The following CDH18 variants were observed in gnomAD, a reference collection of about 807,000 sequenced individuals.
The protein encoded by CDH18 is cadherin-18.
CDH18 carries 31 observed loss-of-function variants against 67.9 expected under a neutral mutation model. The observed-to-expected ratio is 0.46, with a 90% confidence interval of 0.34 to 0.62. CDH18 has a LOEUF of 0.62. CDH18 is among the 20% of genes least tolerant of loss of function. The probability of loss-of-function intolerance (pLI) is 0.01; values close to 1 mark genes in which losing one functional copy is unlikely to be tolerated. For missense variants in CDH18, 890 were observed against 975.5 expected (o/e 0.91, Z 1.17); for synonymous variants, 362 against 347.2 (o/e 1.04, Z -0.48).
rs78506203 is a variant in CDH18 at position 20,082,513 on chromosome 5, T to G, written c.-517-90499A>C. Reference sequence around the variant, plus strand: ...TTTTGCAAATTGCAAAACCCTATGCTATCAAATATACTTTGGGGCCATTTC... The same window carrying G: ...TTTTGCAAATTGCAAAACCCTATGCGATCAAATATACTTTGGGGCCATTTC... On this transcript the variant is annotated intron_variant, in intron 2 of 14. Transcript: ENST00000507958. Among the ~76,000 whole-genome samples, 1,015 of 152,310 alleles carry G rather than the reference T, an allele frequency of 6.7e-3. 15 individuals are homozygous for G. Among genetic ancestry groups the G allele is most frequent in the African/African-American group, 0.023 (970 of 41,568 alleles).
chr5:20,095,443 GAAAAGAAAGA>G (rs1561786280), intron 2 of CDH18, among the ~76,000 whole-genome samples: 9 of 62,254 alleles, frequency 1.4e-4, no homozygotes, highest in African/African-American at 5.0e-4. Flanking sequence ...AAGAAAGAAA[GAAAAGAAAGA>G]AAGAAAGAAG....
intron 2 of CDH18, among the ~76,000 whole-genome samples, chr5:19,942,417 CTT>C (rs1250177589): frequency 6.6e-6 from 1 of 152,194 alleles, no homozygotes; most frequent in Admixed American, 6.6e-5. Context: ...AGAAGTGTCT[CTT>C]TGATTCTCAA....
At chr5:20,300,343 T>C (rs1000935383) in intron 1 of CDH18, among the ~76,000 whole-genome samples, 6 of 151,612 alleles carry the variant, frequency 4.0e-5, no homozygotes, top group Non-Finnish European at 8.8e-5. Flanking sequence ...TATTTTCCTG[T>C]GGAAAATAAT....
intron 5 of CDH18, among the ~76,000 whole-genome samples, chr5:19,613,914 T>C (rs1183564882): frequency 6.6e-6 from 1 of 152,132 alleles, no homozygotes; most frequent in Non-Finnish European, 1.5e-5. Context: ...CCTTCAAACA[T>C]AAGTCATTTT....
intron 3 of CDH18, among the ~76,000 whole-genome samples, chr5:19,836,510 G>C (rs1377555516): frequency 1.3e-5 from 2 of 152,000 alleles, no homozygotes; most frequent in Non-Finnish European, 2.9e-5. Context: ...CTTTTTGAAG[G>C]GGGTGTTTGT....
At chr5:19,751,174 G>T (rs920251414) in intron 3 of CDH18, among the ~76,000 whole-genome samples, 1 of 151,980 alleles carries the variant, frequency 6.6e-6, no homozygotes, top group African/African-American at 2.4e-5. Flanking sequence ...TATTCACCCT[G>T]GACTACATTA....
At chr5:19,584,692 A>G (rs1021288465) in intron 7 of CDH18, among the ~76,000 whole-genome samples, 2 of 149,050 alleles carry the variant, frequency 1.3e-5, no homozygotes, top group Non-Finnish European at 1.5e-5. Context: ...TCACACCTGT[A>G]ATCCCAGCAG....
chr5:20,055,962 T>C (rs1317705071), intron 2 of CDH18, among the ~76,000 whole-genome samples: 1 of 151,284 alleles, frequency 6.6e-6, no homozygotes, highest in Non-Finnish European at 1.5e-5. Context: ...CCACAGTTTA[T>C]GTCTAACTTT....
intron 2 of CDH18, among the ~76,000 whole-genome samples, chr5:19,889,864 G>T (rs1044894341): frequency 6.6e-6 from 1 of 152,124 alleles, no homozygotes; most frequent in African/African-American, 2.4e-5. Context: ...AATGCTGTTT[G>T]CTCCAGAAGA....
chr5:20,048,946 G>T (rs777085276), intron 2 of CDH18, among the ~76,000 whole-genome samples: 3 of 151,524 alleles, frequency 2.0e-5, no homozygotes, highest in Non-Finnish European at 4.4e-5. Flanking sequence ...CTGCAAATCT[G>T]CATTTTTCAA....
At chr5:19,474,204 C>G (rs1377981697) in intron 12 of CDH18, among the ~76,000 whole-genome samples, 2 of 152,020 alleles carry the variant, frequency 1.3e-5, no homozygotes, top group Non-Finnish European at 2.9e-5. Context: ...AATTTTGATG[C>G]TTTGTAGAAA....
At chr5:19,552,253 C>T (rs115514277) in intron 8 of CDH18, among the ~76,000 whole-genome samples, 111 of 151,960 alleles carry the variant, frequency 7.3e-4, no homozygotes, top group African/African-American at 2.6e-3. Context: ...TGGCTTATTC[C>T]CTCTTTCATT....
chr5:19,508,392 A>C (rs899587198), intron 10 of CDH18, among the ~76,000 whole-genome samples: 2 of 152,004 alleles, frequency 1.3e-5, no homozygotes, highest in East Asian at 3.9e-4. Flanking sequence ...TCTTTGTCCA[A>C]TTGCTTTAGT....
rs573259990 is a variant in CDH18 at position 20,329,538 on chromosome 5, G to A, written c.-579-74033C>T. Among the ~76,000 whole-genome samples the A allele has an allele frequency of 1.9e-4, 29 of 151,974 alleles. 1 individual carries two copies. Among genetic ancestry groups the A allele is most frequent in the African/African-American group, 6.8e-4 (28 of 41,464 alleles). On this transcript the variant is annotated intron_variant, in intron 1 of 14. Transcript: ENST00000507958. ...AGCATTTTGGGAGGCCGAGGCAGGCGGATCACCTGAGGTCAGGAGTTCGAG... is the reference window on the plus strand; with the variant it reads ...AGCATTTTGGGAGGCCGAGGCAGGCAGATCACCTGAGGTCAGGAGTTCGAG...
chr5:20,308,033 AT>A (rs921744297), intron 1 of CDH18, among the ~76,000 whole-genome samples: 4 of 126,482 alleles, frequency 3.2e-5, no homozygotes, highest in Non-Finnish European at 4.9e-5. Flanking sequence ...GAATGAAAAT[AT>A]TTTTCCCCAA....
intron 2 of CDH18, among the ~76,000 whole-genome samples, chr5:19,913,630 G>C (rs1227061808): frequency 6.6e-6 from 1 of 152,090 alleles, no homozygotes; most frequent in East Asian, 1.9e-4. Context: ...TATAAGAATA[G>C]AAAGTGGTTC....
chr5:20,505,047 G>A (rs1017251282), intron 1 of CDH18, among the ~76,000 whole-genome samples: 10 of 152,008 alleles, frequency 6.6e-5, no homozygotes, highest in African/African-American at 2.4e-4. Context: ...GATTACAGGT[G>A]TCGGCCATCG....
chr5:20,233,320 T>C (rs1269262714), intron 2 of CDH18, among the ~76,000 whole-genome samples: 1 of 151,654 alleles, frequency 6.6e-6, no homozygotes, highest in Non-Finnish European at 1.5e-5. Context: ...ACGCTTTGTA[T>C]CTTACACTGT....
intron 2 of CDH18, among the ~76,000 whole-genome samples, chr5:19,948,529 G>A (rs916665392): frequency 2.0e-5 from 3 of 152,176 alleles, no homozygotes; most frequent in Admixed American, 6.6e-5. Context: ...GTTGCCCTCT[G>A]TAAGGGTTTC....
Sources: allele counts gnomAD v4.1 joint callset (sites outside exome capture counted in the v4.1 genomes callset), GRCh38; gene constraint gnomAD v4.1.1; transcripts MANE v1.5; gene names NCBI Gene and HGNC (gene_info 2026-07-23, HGNC 2026-07-21).